Variants in FGF17 observed in about 807,000 individuals in gnomAD.
FGF17 encodes fibroblast growth factor 17.
Under a neutral mutation model 23.5 loss-of-function variants are expected in FGF17, and 5 were observed. The ratio of observed to expected loss-of-function variants is 0.21; its 90% CI spans 0.11 to 0.45. The LOEUF (loss-of-function observed/expected upper bound fraction) is 0.45, where lower values mean the gene tolerates loss of function less well. Ranked by LOEUF, FGF17 falls within the 20% of genes least tolerant of loss-of-function variation. The probability of loss-of-function intolerance (pLI) is 0.99; values close to 1 mark genes in which losing one functional copy is unlikely to be tolerated. For synonymous variants in FGF17, 136 were observed against 123.0 expected (o/e 1.11, Z -0.70); for missense variants, 221 against 306.9 (o/e 0.72, Z 2.09).
At chr8:22,040,494 C>T (rs530812555), upstream of FGF17, among the ~76,000 whole-genome samples, 49 of 152,350 alleles carry the variant, frequency 3.2e-4, 1 homozygote, top group South Asian at 8.9e-3. Flanking sequence ...GCTGTCTTGC[C>T]TGTGACACAG....
chr8:22,043,381 C>A (rs1169634676), intron 2 of FGF17, among the ~76,000 whole-genome samples, 200 bp downstream of exon 2: 1 of 152,154 alleles, frequency 6.6e-6, no homozygotes, highest in African/African-American at 2.4e-5. Context: ...TTGTCTCTGT[C>A]CTCCCTCTGA....
chr8:22,044,985 C>T lies in FGF17; in HGVS notation c.73-1129C>T, dbSNP rs569570474. On this transcript the variant is annotated intron_variant, in intron 2 of 4. Transcript: ENST00000359441. Reference sequence around the variant, plus strand: ...AGAAAAGCTGTCCCAGCACAGGCAGCGGCATCCAGGTGGAGACAAAACCAG... The same window carrying T: ...AGAAAAGCTGTCCCAGCACAGGCAGTGGCATCCAGGTGGAGACAAAACCAG... The T allele has an allele frequency of 9.1e-6, 9 of 985,672 alleles. No homozygotes were observed. In the South Asian group the frequency reaches 1.4e-4, roughly 15 times the overall value. The allele number at this position is 985,672 out of a possible 1,614,324, so 61.1% of individuals were successfully genotyped here. A position where few individuals can be genotyped will look rare whatever the true frequency, so the allele number is the denominator to read the frequency against.
At chr8:22,045,096 G>A (rs1325476062) in intron 2 of FGF17, 1 of 985,556 alleles carries the variant, frequency 1.0e-6, no homozygotes, top group Non-Finnish European at 1.2e-6. Context: ...CAGGATGGAG[G>A]GGAAGAAGTA....
At chr8:22,045,545 G>T in intron 2 of FGF17, 1 of 994,296 alleles carries the variant, frequency 1.0e-6, no homozygotes, top group South Asian at 4.5e-5. Flanking sequence ...AAATGCTCAT[G>T]GGACCCTGCA....
chr8:22,046,630 G>A lies in FGF17; in HGVS notation c.354G>A (p.Gly118=), dbSNP rs202160304. ...ICMNKRGKLI[G]KPSGKSKDCV... ...TGAACAAGAGGGGCAAGCTCATCGG[G>A]AAGGTGAGGCTGGGAGACTGGGAAG... Residue 118 remains glycine, a synonymous_variant, in exon 4 of 5, where the codon GGG becomes GGA. Coordinates refer to ENST00000359441, the MANE Select transcript of FGF17 (RefSeq NM_003867.4). 6 of 1,609,142 alleles carry A rather than the reference G, an allele frequency of 3.7e-6. No individual in the cohort carries two copies. The African/African-American group carries it at 8.0e-5, about 22-fold the overall frequency.
chr8:22,041,374 C>T (rs868225294), upstream of FGF17, among the ~76,000 whole-genome samples: 6 of 152,224 alleles, frequency 3.9e-5, no homozygotes, highest in East Asian at 5.8e-4. Flanking sequence ...GTTTCGCTCC[C>T]CTGGTCATCT....
intron 4 of FGF17, among the ~76,000 whole-genome samples, chr8:22,046,950 ATTTT>A (rs3038873): frequency 1.2e-4 from 14 of 120,570 alleles, no homozygotes; most frequent in African/African-American, 4.5e-4. Flanking sequence ...TGCCCAGCTA[ATTTT>A]TTTTTTTTTT....
chr8:22,045,078 G>A (rs538892261), intron 2 of FGF17: 68 of 985,534 alleles, frequency 6.9e-5, no homozygotes, highest in Middle Eastern at 5.2e-4. Flanking sequence ...AGCCCGGGTC[G>A]CACCTTGCAG....
intron 2 of FGF17, among the ~76,000 whole-genome samples, chr8:22,043,578 C>T (rs1276059410): frequency 6.6e-6 from 1 of 152,156 alleles, no homozygotes; most frequent in East Asian, 1.9e-4. Context: ...TCCTTCTCGC[C>T]ACCCCACTCC....
In FGF17 at chr8:22,048,409, G is replaced by A. The variant is rs1801011385; in HGVS notation, c.*160G>A. The stretch of plus-strand genomic sequence containing the variant: ...GCCCCCAGCTGGGAAGGGGCAGGCC[G>A]GTGCCCCAGGGGCGGCTGGCACAGT... On this transcript the variant is annotated 3_prime_UTR_variant, in exon 5 of 5. Transcript: ENST00000359441. This position sits in a 1 kb window ranked among gnomAD's most constrained non-coding sequence, Gnocchi z 6.9. 3 of 677,824 alleles carry A rather than the reference G, an allele frequency of 4.4e-6. No individual in the cohort carries two copies. Among genetic ancestry groups the A allele is most frequent in the Admixed American group, 3.0e-5 (1 of 33,752 alleles). 42.0% of individuals were successfully genotyped at this position (677,824 alleles called of 1,614,324 possible).
Position 22,048,201 on chromosome 8 carries a change from C to T in FGF17, c.603C>T (p.Ala201=). 6.2e-7 allele frequency: 1 copy of T among 1,611,614 alleles called. No homozygotes were observed. Among genetic ancestry groups the T allele is most frequent in the Non-Finnish European group, 8.5e-7 (1 of 1,179,392 alleles). ...KQKQFEFVGS[A]PTRRTKRTRR... Reference sequence around the variant, plus strand: ...AGCAGTTCGAGTTTGTGGGCTCCGCCCCCACCCGCCGGACCAAGCGCACAC... The same window carrying T: ...AGCAGTTCGAGTTTGTGGGCTCCGCTCCCACCCGCCGGACCAAGCGCACAC... Residue 201 remains alanine (A), a synonymous_variant, in exon 5 of 5, where the codon GCC becomes GCT. Transcript: ENST00000359441. This position sits in a 1 kb window ranked among gnomAD's most constrained non-coding sequence, Gnocchi z 6.9.
chr8:22,047,656 C>T (rs1800952226), intron 4 of FGF17, among the ~76,000 whole-genome samples: 3 of 152,186 alleles, frequency 2.0e-5, no homozygotes. Context: ...GTGCTAAGGG[C>T]CCGTGCATGC....
At chr8:22,041,251 C>CAGA (rs745749673), upstream of FGF17, among the ~76,000 whole-genome samples, 5 of 152,166 alleles carry the variant, frequency 3.3e-5, no homozygotes, top group Non-Finnish European at 7.3e-5. Flanking sequence ...GAAGAGCCTG[C>CAGA]GGAGAGGAGA....
intron 2 of FGF17, among the ~76,000 whole-genome samples, chr8:22,043,519 G>A (rs1022491608): frequency 1.3e-5 from 2 of 152,142 alleles, no homozygotes; most frequent in African/African-American, 2.4e-5. Context: ...TGAGGCTTGG[G>A]TTTGCCAGTA....
rs373505212 is a variant in FGF17 at position 22,042,907 on chromosome 8, C to T, written c.-22C>T. 136 of 1,613,034 alleles carry T rather than the reference C, an allele frequency of 8.4e-5. No homozygotes were observed. Among genetic ancestry groups the T allele is most frequent in the Non-Finnish European group, 1.1e-4 (125 of 1,179,706 alleles). On this transcript the variant is annotated 5_prime_UTR_variant, in exon 1 of 5. Transcript: ENST00000359441. ...CTGAGCTTGGGGGCAGGGGGGCAAC[C>T]GCCTGAGGAACCTCTCCAGCGATGG...
intron 4 of FGF17, 48 bp from the exon 5 acceptor site, chr8:22,047,904 CCAGA>C: frequency 3.2e-6 from 5 of 1,559,282 alleles, no homozygotes; most frequent in Non-Finnish European, 4.4e-6. Context: ...GGGCGACACC[CCAGA>C]CCAGGGTAGG....
upstream of FGF17, among the ~76,000 whole-genome samples, chr8:22,040,199 A>G (rs1270759163): frequency 4.6e-5 from 7 of 152,238 alleles, no homozygotes; most frequent in African/African-American, 1.7e-4. Flanking sequence ...CGTTTCTGTG[A>G]GTCCTTTATC....
chr8:22,047,613 A>AGC (rs1800947566), intron 4 of FGF17, among the ~76,000 whole-genome samples: 1 of 152,184 alleles, frequency 6.6e-6, no homozygotes, highest in African/African-American at 2.4e-5. Flanking sequence ...CATGCCCAGC[A>AGC]GCACCCCTCA....
At chr8:22,044,875 G>A in intron 2 of FGF17, 1 of 985,470 alleles carries the variant, frequency 1.0e-6, no homozygotes, top group Non-Finnish European at 1.2e-6. Flanking sequence ...GCCCCTAACA[G>A]ATGCTAATCT....
Sources: gnomAD v4.1 joint callset for allele counts (sites outside exome capture counted in the v4.1 genomes callset) on GRCh38, gnomAD v4.1.1 for gene constraint, Gnocchi (gnomAD v3.1) non-coding constraint, MANE v1.5 for transcripts, NCBI Gene and HGNC (gene_info 2026-07-23, HGNC 2026-07-21) for gene names.